TMEM266: variants seen among roughly 807,000 people sequenced by gnomAD.
TMEM266 encodes the protein transmembrane protein 266.
Under a neutral mutation model 50.5 loss-of-function variants are expected in TMEM266, and 33 were observed. The ratio of observed to expected loss-of-function variants is 0.65; its 90% CI spans 0.50 to 0.87. TMEM266 has a LOEUF of 0.87. Ranked by LOEUF, TMEM266 falls within the 40% of genes least tolerant of loss-of-function variation. The pLI, the probability that TMEM266 is intolerant of heterozygous loss-of-function variation, is 0.00. For synonymous variants in TMEM266, 310 were observed against 292.3 expected (o/e 1.06, Z -0.62); for missense variants, 655 against 695.1 (o/e 0.94, Z 0.65).
intron 8 of TMEM266, chr15:76,176,456 G>A (rs1402604380): frequency 6.5e-6 from 1 of 152,704 alleles, no homozygotes; most frequent in African/African-American, 2.4e-5. Context: ...GTGCAGGGAA[G>A]GGTCCGGTCC....
intron 1 of TMEM266, among the ~76,000 whole-genome samples, chr15:76,085,921 G>A (rs62027657): frequency 0.17 from 25,466 of 151,944 alleles, 2,606 homozygotes; most frequent in Non-Finnish European, 0.24. Flanking sequence ...GGTGGTGCAC[G>A]CCTTTAGTTC....
intron 1 of TMEM266, among the ~76,000 whole-genome samples, chr15:76,130,469 T>C (rs1342233399): frequency 6.6e-6 from 1 of 151,976 alleles, no homozygotes; most frequent in Non-Finnish European, 1.5e-5. Flanking sequence ...TGAACTGGGA[T>C]GTAGGGGTTG....
At chr15:76,199,762 G>GTCCCTTCC (rs112026663) in intron 9 of TMEM266, among the ~76,000 whole-genome samples, 1 of 148,542 alleles carries the variant, frequency 6.7e-6, no homozygotes, top group Admixed American at 6.7e-5. Flanking sequence ...GTAAACACTA[G>GTCCCTTCC]TCCCTCCCTC....
chr15:76,191,950 GCCCGTCTC>G lies in TMEM266; in HGVS notation c.769-15_769-8del. On this transcript the variant is annotated splice_polypyrimidine_tract_variant and intron_variant, in intron 8 of 10. Transcript: ENST00000388942. ...GGCCCCTCGCCGCTGATTCAGCCTT[GCCCGTCTC>G]CCTCCGCAGTTTGAGATCCGGCAGC... 6.4e-7 allele frequency: 1 copy of G among 1,571,086 alleles called. No homozygotes were observed. Among genetic ancestry groups the G allele is most frequent in the Non-Finnish European group, 8.6e-7 (1 of 1,165,086 alleles).
chr15:76,203,546 A>G (rs1276316850), intron 10 of TMEM266, among the ~76,000 whole-genome samples, 195 bp from the exon 11 acceptor site: 1 of 152,238 alleles, frequency 6.6e-6, no homozygotes, highest in Non-Finnish European at 1.5e-5. Context: ...AAGATGAGGC[A>G]TAATACCCCT....
At chr15:76,101,648 A>G (rs1426576712) in intron 1 of TMEM266, among the ~76,000 whole-genome samples, 1 of 152,216 alleles carries the variant, frequency 6.6e-6, no homozygotes, top group Non-Finnish European at 1.5e-5. Flanking sequence ...TAACTCCACA[A>G]CAGACAAATG....
chr15:76,127,789 G>A (rs1347999037), intron 1 of TMEM266, among the ~76,000 whole-genome samples: 1 of 152,068 alleles, frequency 6.6e-6, no homozygotes, highest in Non-Finnish European at 1.5e-5. Flanking sequence ...TGCAAAATAG[G>A]GATAAAAATA....
intron 8 of TMEM266, among the ~76,000 whole-genome samples, chr15:76,181,878 C>T (rs2038414371): frequency 6.6e-6 from 1 of 152,226 alleles, no homozygotes; most frequent in Admixed American, 6.5e-5. Context: ...GTTACACCCG[C>T]TCTTTCATGT....
intron 3 of TMEM266, among the ~76,000 whole-genome samples, chr15:76,144,892 CA>C (rs750177486): frequency 6.6e-6 from 1 of 152,214 alleles, no homozygotes; most frequent in Non-Finnish European, 1.5e-5. Context: ...GGGGCCAGCT[CA>C]ATGTCTTCTC....
intron 1 of TMEM266, among the ~76,000 whole-genome samples, chr15:76,100,311 T>C (rs754353341): frequency 2.6e-5 from 4 of 152,246 alleles, no homozygotes; most frequent in African/African-American, 4.8e-5. Flanking sequence ...GTTATTACTA[T>C]GTAAATGGAT....
intron 9 of TMEM266, among the ~76,000 whole-genome samples, chr15:76,200,090 G>C (rs1247750876): frequency 6.6e-6 from 1 of 152,032 alleles, no homozygotes; most frequent in Admixed American, 6.5e-5. Flanking sequence ...CCCGCAGACA[G>C]GGACTCCTGG....
rs16967933 is a variant in TMEM266, at chr15:76,162,297, C to T, written c.456+2129C>T. Among the ~76,000 whole-genome samples, 265 of 152,300 alleles carry T rather than the reference C, an allele frequency of 1.7e-3. 4 individuals are homozygous for T. The East Asian group carries it at 0.034, about 19-fold the overall frequency. ...GGGCCGGTGCATGGAGATCGAGTGACGAATGAATGAGGCACAGAACCTGCG... is the reference window on the plus strand; with the variant it reads ...GGGCCGGTGCATGGAGATCGAGTGATGAATGAATGAGGCACAGAACCTGCG... On this transcript the variant is annotated intron_variant, in intron 5 of 10. Transcript: ENST00000388942.
intron 6 of TMEM266, 47 bp from the exon 7 acceptor site, chr15:76,170,946 G>C: frequency 6.3e-7 from 1 of 1,578,098 alleles, no homozygotes; most frequent in Non-Finnish European, 8.6e-7. Flanking sequence ...CCCTGGTCCC[G>C]GACACACGGC....
intron 1 of TMEM266, among the ~76,000 whole-genome samples, chr15:76,104,140 G>A (rs1040968427): frequency 6.6e-6 from 1 of 151,528 alleles, no homozygotes; most frequent in African/African-American, 2.4e-5. Flanking sequence ...CCAGGAGGCA[G>A]AGCTTACAGT....
chr15:76,182,790 G>A (rs1378574167), intron 8 of TMEM266, among the ~76,000 whole-genome samples: 1 of 152,144 alleles, frequency 6.6e-6, no homozygotes, highest in Non-Finnish European at 1.5e-5. Context: ...CCCTTCACAT[G>A]GAAAGACTGA....
At chr15:76,152,763 C>T (rs1364970567) in intron 3 of TMEM266, among the ~76,000 whole-genome samples, 2 of 152,194 alleles carry the variant, frequency 1.3e-5, no homozygotes, top group Admixed American at 6.5e-5. Flanking sequence ...CGTCCTAATC[C>T]CTCCACCAGC....
chr15:76,162,420 G>T (rs2038032532), intron 5 of TMEM266, among the ~76,000 whole-genome samples: 1 of 152,170 alleles, frequency 6.6e-6, no homozygotes, highest in Admixed American at 6.5e-5. Context: ...TTACTAGAAG[G>T]GTCTCATGGA....
At chr15:76,149,418 C>A (rs1316240660) in intron 3 of TMEM266, among the ~76,000 whole-genome samples, 4 of 152,180 alleles carry the variant, frequency 2.6e-5, no homozygotes, top group Admixed American at 2.6e-4. Flanking sequence ...CAGTGCCTAG[C>A]ATTTGGTGGT....
At chr15:76,197,501 T>C (rs2038672840) in intron 9 of TMEM266, among the ~76,000 whole-genome samples, 1 of 152,250 alleles carries the variant, frequency 6.6e-6, no homozygotes, top group African/African-American at 2.4e-5. Flanking sequence ...CTAGAAATTA[T>C]GTAGCTGGTC....
Sources: gnomAD v4.1 joint callset for allele counts (sites outside exome capture counted in the v4.1 genomes callset) on GRCh38, gnomAD v4.1.1 for gene constraint, MANE v1.5 for transcripts, NCBI Gene and HGNC (gene_info 2026-07-23, HGNC 2026-07-21) for gene names.